Variants in PCDH15 observed in about 807,000 individuals in gnomAD.
PCDH15 encodes the protein protocadherin-15.
Under a neutral mutation model 178.5 loss-of-function variants are expected in PCDH15, and 129 were observed. The observed-to-expected ratio is 0.72, with a 90% CI of 0.63 to 0.84. The LOEUF (loss-of-function observed/expected upper bound fraction) is 0.84, where lower values mean the gene tolerates loss of function less well. Ranked by LOEUF, PCDH15 falls within the 40% of genes least tolerant of loss-of-function variation. The pLI is 0.00. For missense variants in PCDH15, 2,230 were observed against 2,099.9 expected, an observed-to-expected ratio of 1.06 and a Z score of -1.21; for synonymous variants, 800 against 732.0, an observed-to-expected ratio of 1.09 and a Z score of -1.50.
chr10:55,480,543 T>A (rs1053176908), intron 2 of PCDH15, among the ~76,000 whole-genome samples: 1 of 151,414 alleles, frequency 6.6e-6, no homozygotes, highest in African/African-American at 2.4e-5. Context: ...TATCATGAAG[T>A]GATGCTGAAT....
intron 2 of PCDH15, among the ~76,000 whole-genome samples, chr10:55,077,445 TCC>T (rs1190700315): frequency 4.1e-5 from 6 of 147,678 alleles, no homozygotes; most frequent in African/African-American, 1.3e-4. Context: ...CTTTCTTCCT[TCC>T]TTCCCTTCCT....
intron 30 of PCDH15, among the ~76,000 whole-genome samples, chr10:53,828,811 G>A (rs1187519475): frequency 6.6e-6 from 1 of 152,048 alleles, no homozygotes; most frequent in Non-Finnish European, 1.5e-5. Flanking sequence ...ATAAAGAAAT[G>A]AACTACATAG....
intron 5 of PCDH15, among the ~76,000 whole-genome samples, chr10:54,352,389 A>C (rs1278657341): frequency 6.6e-6 from 1 of 152,130 alleles, no homozygotes. Context: ...CTTGCCCCCA[A>C]AAAGAGCCAC....
chr10:55,135,427 G>C (rs1838163967), intron 2 of PCDH15, among the ~76,000 whole-genome samples: 1 of 151,762 alleles, frequency 6.6e-6, no homozygotes, highest in African/African-American at 2.4e-5. Flanking sequence ...CAAGAATCCT[G>C]TCCCCAGCTC....
chr10:55,048,278 A>G (rs1841064088), intron 2 of PCDH15, among the ~76,000 whole-genome samples: 1 of 151,894 alleles, frequency 6.6e-6, no homozygotes. Flanking sequence ...ACTTTAAGAA[A>G]AAACAACATT....
At chr10:54,640,563 A>G (rs1392305549) in intron 2 of PCDH15, among the ~76,000 whole-genome samples, 1 of 152,152 alleles carries the variant, frequency 6.6e-6, no homozygotes, top group African/African-American at 2.4e-5. Context: ...TAGCTTGAAT[A>G]AGGACATTTA....
rs1837751511 is a variant in PCDH15 at position 54,930,714 on chromosome 10, A to C, written c.-79-33214T>G. ...TATAATGTTTACATATTAACATGAT[A>C]CTAACTTTCCTATCAATACTCTAAG... On this transcript the variant is annotated intron_variant, in intron 2 of 5. Coordinates refer to the PCDH15 transcript ENST00000458638. Among the ~76,000 whole-genome samples the C allele has an allele frequency of 2.0e-5, 3 of 152,306 alleles. No individual in the cohort carries two copies. The South Asian group carries it at 6.2e-4, about 32-fold the overall frequency.
At chr10:55,020,279 C>T (rs78739076) in intron 2 of PCDH15, among the ~76,000 whole-genome samples, 2 of 151,378 alleles carry the variant, frequency 1.3e-5, no homozygotes, top group Non-Finnish European at 2.9e-5. Flanking sequence ...TAATCCCTTT[C>T]TACAAATAGC....
At chr10:54,168,705 C>T (rs996172417) in intron 13 of PCDH15, among the ~76,000 whole-genome samples, 44 of 152,156 alleles carry the variant, frequency 2.9e-4, no homozygotes, top group Non-Finnish European at 4.4e-4. Context: ...CAGTTCATGA[C>T]GTGTTTGGCA....
At chr10:54,596,182 G>A (rs1200056746) in intron 2 of PCDH15, among the ~76,000 whole-genome samples, 1 of 151,870 alleles carries the variant, frequency 6.6e-6, no homozygotes, top group Non-Finnish European at 1.5e-5. Flanking sequence ...AGGTCAAAAT[G>A]AAAGAAAAAA....
At position 54,547,636 on chromosome 10, in the gene PCDH15, G is replaced by A. The variant is rs544410612; in HGVS notation, c.92-19759C>T. 2.6e-5 allele frequency among the ~76,000 whole-genome samples: 4 copies of A among 152,174 alleles called. No individual in the cohort carries two copies. In the East Asian group the frequency reaches 7.7e-4, roughly 29 times the overall value. On this transcript the variant is annotated intron_variant, in intron 2 of 37. Coordinates refer to ENST00000644397, the MANE Select transcript of PCDH15 (RefSeq NM_001384140.1). ...ACCTTTAGGGAAATAATGCTGTAAA[G>A]TATTCCATTATATAACTGGATCACA...
At chr10:55,239,529 T>C (rs1841486464) in intron 1 of PCDH15, among the ~76,000 whole-genome samples, 2 of 152,242 alleles carry the variant, frequency 1.3e-5, no homozygotes, top group East Asian at 1.9e-4. Flanking sequence ...TCTTGCCATA[T>C]ACAAAAATCA....
intron 2 of PCDH15, among the ~76,000 whole-genome samples, chr10:55,514,640 A>G (rs1183905149): frequency 6.6e-6 from 1 of 152,188 alleles, no homozygotes; most frequent in African/African-American, 2.4e-5. Flanking sequence ...GCCTATCTAG[A>G]TTCTTCTTGT....
intron 2 of PCDH15, among the ~76,000 whole-genome samples, chr10:55,037,012 C>T (rs1386480737): frequency 6.6e-6 from 1 of 152,106 alleles, no homozygotes; most frequent in Non-Finnish European, 1.5e-5. Flanking sequence ...ATTATAAAAA[C>T]ATGGAAAATT....
rs1238632716 is a variant in PCDH15, at chr10:54,192,130, A to AAGAGAG, written c.1305+3552_1305+3553insCTCTCT. The stretch of plus-strand genomic sequence containing the variant: ...AAGAAAAAAAAAAAAGAAAGAAAGA[A>AAGAGAG]AGAGAAAGAGAAAGAAAGAAAGAAA... On this transcript the variant is annotated intron_variant, in intron 11 of 37. Coordinates refer to ENST00000644397, the MANE Select transcript of PCDH15 (RefSeq NM_001384140.1). Among the ~76,000 whole-genome samples, 111 of 125,134 alleles carry AAGAGAG rather than the reference A, an allele frequency of 8.9e-4. 2 individuals are homozygous for AAGAGAG. Among genetic ancestry groups the AAGAGAG allele is most frequent in the Admixed American group, 2.4e-3 (30 of 12,478 alleles). The allele number at this position is 125,134 out of a possible 152,430, so 82.1% of individuals were successfully genotyped here. A position where few individuals can be genotyped will look rare whatever the true frequency, so the allele number is the denominator to read the frequency against.
chr10:54,948,954 T>A (rs550032528), intron 2 of PCDH15, among the ~76,000 whole-genome samples: 71 of 151,996 alleles, frequency 4.7e-4, no homozygotes, highest in African/African-American at 1.5e-3. Flanking sequence ...TTTTTTAAGA[T>A]TCCACACATA....
At chr10:55,128,202 C>T (rs924234887) in intron 2 of PCDH15, among the ~76,000 whole-genome samples, 3 of 152,084 alleles carry the variant, frequency 2.0e-5, no homozygotes, top group South Asian at 2.1e-4. Flanking sequence ...TCACTCCCAC[C>T]TTATATACTC....
At chr10:54,061,349 T>C (rs930671700) in intron 18 of PCDH15, among the ~76,000 whole-genome samples, 2 of 152,218 alleles carry the variant, frequency 1.3e-5, no homozygotes, top group African/African-American at 4.8e-5. Context: ...TAAGTCTTCA[T>C]ATCATTCACT....
rs573274410 is a variant in PCDH15, at chr10:55,153,803, C to A, written c.-80+12773G>T. Reference sequence around the variant, plus strand: ...TGAATGTCTAGGTTTGAGCTCTGACCTTGCCACTTTAGAGCCTAAATGTTG... The same window carrying A: ...TGAATGTCTAGGTTTGAGCTCTGACATTGCCACTTTAGAGCCTAAATGTTG... On this transcript the variant is annotated intron_variant, in intron 2 of 5. Transcript: ENST00000458638. Among the ~76,000 whole-genome samples the A allele has an allele frequency of 9.2e-5, 14 of 152,296 alleles. No individual in the cohort carries two copies. The East Asian group carries it at 2.5e-3, about 27-fold the overall frequency.
Sources: gnomAD v4.1 joint callset for allele counts (sites outside exome capture counted in the v4.1 genomes callset) on GRCh38, gnomAD v4.1.1 for gene constraint, MANE v1.5 for transcripts, NCBI Gene and HGNC (gene_info 2026-07-23, HGNC 2026-07-21) for gene names.